Variants in CATSPERB observed in about 807,000 individuals in gnomAD.
CATSPERB encodes the protein cation channel sperm-associated auxiliary subunit beta.
A neutral mutation model predicts 128.3 loss-of-function variants in CATSPERB; 93 were observed. That is an observed-to-expected ratio of 0.72 (90% confidence interval 0.61 to 0.86). CATSPERB has a LOEUF of 0.86. Among genes scored for constraint, CATSPERB ranks in the 40% least tolerant of loss-of-function variants. CATSPERB has a pLI of 0.00. For missense variants in CATSPERB, 1,153 were observed against 1,329.5 expected, an observed-to-expected ratio of 0.87 and a Z score of 2.06; for synonymous variants, 381 against 448.8, an observed-to-expected ratio of 0.85 and a Z score of 1.91.
chr14:91,730,908 T>C (rs1896199587), intron 1 of CATSPERB, among the ~76,000 whole-genome samples: 1 of 152,158 alleles, frequency 6.6e-6, no homozygotes, highest in South Asian at 2.1e-4. Context: ...TTTTTAAAAA[T>C]CATCTGAGAA....
At chr14:91,659,264 A>G (rs1032739802) in intron 15 of CATSPERB, among the ~76,000 whole-genome samples, 1 of 152,240 alleles carries the variant, frequency 6.6e-6, no homozygotes, top group African/African-American at 2.4e-5. Flanking sequence ...GTGTCAAAAT[A>G]GTACTTTGTA....
At chr14:91,702,224 GA>G (rs1243219164) in intron 7 of CATSPERB, among the ~76,000 whole-genome samples, 4 of 151,878 alleles carry the variant, frequency 2.6e-5, no homozygotes, top group Non-Finnish European at 5.9e-5. Context: ...AGACGAGGAG[GA>G]GGAGGTCCTG....
At chr14:91,597,480 G>T (rs1893527982) in intron 22 of CATSPERB, among the ~76,000 whole-genome samples, 1 of 152,026 alleles carries the variant, frequency 6.6e-6, no homozygotes, top group African/African-American at 2.4e-5. Flanking sequence ...ACTTCCATAA[G>T]CCTTTTATAA....
intron 5 of CATSPERB, among the ~76,000 whole-genome samples, chr14:91,714,614 CA>C (rs1895905210): frequency 7.4e-6 from 1 of 135,692 alleles, no homozygotes; most frequent in African/African-American, 2.8e-5. Context: ...GTCTGGAGTG[CA>C]ATGGTGCAAT....
chr14:91,678,193 T>C (rs1895222972), intron 11 of CATSPERB, among the ~76,000 whole-genome samples: 2 of 152,002 alleles, frequency 1.3e-5, no homozygotes, highest in Admixed American at 6.6e-5. Context: ...TATATACCTA[T>C]GTAACGAGCC....
chr14:91,625,211 C>A (rs1179072263), intron 17 of CATSPERB, among the ~76,000 whole-genome samples: 1 of 152,188 alleles, frequency 6.6e-6, no homozygotes, highest in Non-Finnish European at 1.5e-5. Context: ...TAGCGAAGAT[C>A]TTTAAATGAC....
intron 11 of CATSPERB, among the ~76,000 whole-genome samples, chr14:91,675,484 A>G (rs1434177838): frequency 6.6e-6 from 1 of 152,208 alleles, no homozygotes; most frequent in African/African-American, 2.4e-5. Context: ...GCTCTGCTCC[A>G]TTTGGATGTA....
At chr14:91,649,377 C>T (rs963739969) in intron 15 of CATSPERB, among the ~76,000 whole-genome samples, 2 of 150,680 alleles carry the variant, frequency 1.3e-5, no homozygotes, top group Admixed American at 6.6e-5. Flanking sequence ...ATTGTTGCCC[C>T]GGCTGGTCTT....
In CATSPERB at chr14:91,589,681, A is replaced by G. The variant is rs751083338; in HGVS notation, c.2821-12T>C. The G allele has an allele frequency of 6.2e-7, 1 of 1,608,278 alleles. No individual in the cohort carries two copies. Among genetic ancestry groups the G allele is most frequent in the East Asian group, 2.2e-5 (1 of 44,776 alleles). On this transcript the variant is annotated splice_polypyrimidine_tract_variant and intron_variant, in intron 23 of 26. Transcript: ENST00000256343. ...TTAAAGCGAGGAACCTAAAATACAA[A>G]TTCCAAGAATGAATGTAAACTTGGG...
At chr14:91,678,787 C>A (rs1278256178) in intron 11 of CATSPERB, among the ~76,000 whole-genome samples, 1 of 152,046 alleles carries the variant, frequency 6.6e-6, no homozygotes, top group African/African-American at 2.4e-5. Context: ...CAGCCAAAAG[C>A]AGAATGATCT....
chr14:91,715,552 CA>C (rs57554614), intron 5 of CATSPERB, among the ~76,000 whole-genome samples: 1,020 of 45,624 alleles, frequency 0.022, 4 homozygotes, highest in African/African-American at 0.052. Flanking sequence ...GACTCCATCT[CA>C]AAAAAAAAAA....
At chr14:91,624,596 G>A (rs1443541672) in intron 18 of CATSPERB, among the ~76,000 whole-genome samples, 1 of 151,430 alleles carries the variant, frequency 6.6e-6, no homozygotes, top group Non-Finnish European at 1.5e-5. Context: ...AGTCGAGATC[G>A]CGTCACTACA....
At chr14:91,716,586 CAAACAAAT>C (rs1420147885) in intron 5 of CATSPERB, among the ~76,000 whole-genome samples, 3 of 151,848 alleles carry the variant, frequency 2.0e-5, no homozygotes, top group Non-Finnish European at 4.4e-5. Context: ...CAAAAAAATC[CAAACAAAT>C]AAACAAACAA....
At chr14:91,698,127 G>T (rs186518412) in intron 7 of CATSPERB, among the ~76,000 whole-genome samples, 1 of 151,958 alleles carries the variant, frequency 6.6e-6, no homozygotes, top group Non-Finnish European at 1.5e-5. Flanking sequence ...GGGTGTGTGT[G>T]TGGTGGGGGG....
At chr14:91,689,972 T>A (rs962075673) in intron 10 of CATSPERB, among the ~76,000 whole-genome samples, 2 of 152,172 alleles carry the variant, frequency 1.3e-5, no homozygotes, top group Non-Finnish European at 2.9e-5. Context: ...ACAAAATGTA[T>A]AACTTATTTT....
At position 91,729,474 on chromosome 14, in the gene CATSPERB, T is replaced by C. The variant is rs1483640967; in HGVS notation, c.6A>G (p.Glu2=). ...AAACTGAAACATATATAAGTGGCGA[T>C]TCCATCTGTTGGAATAAATAAGAAT... M[E]SPLIYVSVLL... The change falls in exon 2 of 27, where the codon GAA becomes GAG. Residue 2 remains glutamate (E), a synonymous_variant. Coordinates refer to ENST00000256343, the MANE Select transcript of CATSPERB (RefSeq NM_024764.4). The C allele has an allele frequency of 2.6e-6, 4 of 1,513,944 alleles. No individual in the cohort carries two copies. In the East Asian group the frequency reaches 6.8e-5, roughly 26 times the overall value. The allele number at this position is 1,513,944 out of a possible 1,614,324, so 93.8% of individuals were successfully genotyped here. A position where few individuals can be genotyped will look rare whatever the true frequency, so the allele number is the denominator to read the frequency against.
At chr14:91,662,809 T>C (rs1326577713) in intron 14 of CATSPERB, among the ~76,000 whole-genome samples, 1 of 152,248 alleles carries the variant, frequency 6.6e-6, no homozygotes, top group Admixed American at 6.5e-5. Flanking sequence ...CTCCATCATC[T>C]CTTCACGTAT....
In CATSPERB at chr14:91,588,059, A is replaced by G; in HGVS notation, c.2976T>C (p.Asn992=). The stretch of plus-strand genomic sequence containing the variant: ...CTACTAATTGTTTCATTCTTTTAAT[A>G]TTTTCTGGCACAGTGTGTTCTAAAA... ...NWKLKHTVPE[N]IKRMKQLVEP... is the part of the protein sequence containing the mutation. Residue 992 remains asparagine (N), a synonymous_variant, in exon 25 of 27, where the codon AAT becomes AAC. Coordinates refer to ENST00000256343, the MANE Select transcript of CATSPERB (RefSeq NM_024764.4). The G allele has an allele frequency of 6.2e-7, 1 of 1,607,422 alleles. No homozygotes were observed. Among genetic ancestry groups the G allele is most frequent in the Non-Finnish European group, 8.5e-7 (1 of 1,174,916 alleles).
chr14:91,636,683 T>C (rs1169191093), intron 16 of CATSPERB, 104 bp from the exon 17 acceptor site: 1 of 966,340 alleles, frequency 1.0e-6, no homozygotes, highest in Non-Finnish European at 1.5e-6. Context: ...AAAACAATAC[T>C]GGTTTACTTA....
Sources: allele counts gnomAD v4.1 joint callset (sites outside exome capture counted in the v4.1 genomes callset), GRCh38; gene constraint gnomAD v4.1.1; transcripts MANE v1.5; gene names NCBI Gene and HGNC (gene_info 2026-07-23, HGNC 2026-07-21).